PRUNE2: variants seen among roughly 807,000 people sequenced by gnomAD.
The protein encoded by PRUNE2 is prune homolog 2 with BCH domain.
Under a neutral mutation model 252.0 loss-of-function variants are expected in PRUNE2, and 164 were observed. That is an observed-to-expected ratio of 0.65 (90% CI 0.57 to 0.74). The LOEUF is 0.74. Ranked by LOEUF, PRUNE2 falls within the 30% of genes least tolerant of loss-of-function variation. PRUNE2 has a pLI of 0.00. For missense variants in PRUNE2, 3,495 were observed against 3,711.0 expected, an observed-to-expected ratio of 0.94 and a Z score of 1.51; for synonymous variants, 1,292 against 1,350.2, an observed-to-expected ratio of 0.96 and a Z score of 0.94.
chr9:76,849,215 T>C (rs923229118), intron 3 of PRUNE2, among the ~76,000 whole-genome samples: 20 of 152,188 alleles, frequency 1.3e-4, no homozygotes, highest in African/African-American at 4.6e-4. Flanking sequence ...CAAGCCTGCA[T>C]GTGGTTCTTT....
chr9:76,810,559 T>C (rs950734631), intron 6 of PRUNE2, among the ~76,000 whole-genome samples: 7 of 152,318 alleles, frequency 4.6e-5, no homozygotes, highest in African/African-American at 1.7e-4. Context: ...ACCACTGACC[T>C]GTAATAATCC....
intron 6 of PRUNE2, among the ~76,000 whole-genome samples, chr9:76,731,592 T>G (rs2048614427): frequency 6.6e-6 from 1 of 152,150 alleles, no homozygotes; most frequent in Non-Finnish European, 1.5e-5. Context: ...CCTACCAAAG[T>G]GCTGGGATTG....
At chr9:76,820,694 G>A (rs145765651) in intron 6 of PRUNE2, among the ~76,000 whole-genome samples, 239 of 152,244 alleles carry the variant, frequency 1.6e-3, no homozygotes, top group Non-Finnish European at 3.0e-3. Flanking sequence ...CTCCCACTCC[G>A]TTTTTGGAGA....
At position 76,629,291 on chromosome 9, in the gene PRUNE2, C is replaced by T; in HGVS notation, c.9051-1G>A. 1 of 1,347,324 alleles carries T rather than the reference C, an allele frequency of 7.4e-7. No individual in the cohort carries two copies. The highest frequency in any genetic ancestry group is 1.0e-6 in the Non-Finnish European group (1 of 992,012). 83.5% of individuals were successfully genotyped at this position (1,347,324 alleles called of 1,614,324 possible). A position where few individuals can be genotyped will look rare whatever the true frequency, so the allele number is the denominator to read the frequency against. Reference sequence around the variant, plus strand: ...TTTAATTTTACTGCTGAATTTTGAACTAAAAAAAAAAAAAAGAAAAAAATA... The same window carrying T: ...TTTAATTTTACTGCTGAATTTTGAATTAAAAAAAAAAAAAAGAAAAAAATA... On this transcript the variant is annotated splice_acceptor_variant, in intron 15 of 18. Coordinates refer to ENST00000376718, the MANE Select transcript of PRUNE2 (RefSeq NM_015225.3). LOFTEE classifies it high-confidence loss of function.
intron 4 of PRUNE2, 63 bp from the exon 5 acceptor site, chr9:76,826,795 A>T: frequency 7.5e-7 from 1 of 1,340,772 alleles, no homozygotes; most frequent in Non-Finnish European, 1.0e-6. Flanking sequence ...GGGGCCAAGA[A>T]AATCAGTGTT....
At chr9:76,871,604 T>C (rs964177204) in intron 1 of PRUNE2, among the ~76,000 whole-genome samples, 6 of 152,192 alleles carry the variant, frequency 3.9e-5, no homozygotes, top group African/African-American at 1.4e-4. Context: ...TGGTCAATCT[T>C]GATTATCTTG....
At chr9:76,735,447 T>C (rs73650992) in intron 6 of PRUNE2, among the ~76,000 whole-genome samples, 7,667 of 148,972 alleles carry the variant, frequency 0.051, 635 homozygotes, top group African/African-American at 0.18. Context: ...TTATGCCAGT[T>C]ATGACTAGCA....
At chr9:76,903,052 T>C (rs1015652289) in intron 1 of PRUNE2, among the ~76,000 whole-genome samples, 1 of 152,226 alleles carries the variant, frequency 6.6e-6, no homozygotes, top group Non-Finnish European at 1.5e-5. Context: ...AAATATCCTT[T>C]TCTTTCAAAG....
At chr9:76,825,198 G>A (rs1169959400) in intron 5 of PRUNE2, among the ~76,000 whole-genome samples, 2 of 152,188 alleles carry the variant, frequency 1.3e-5, no homozygotes, top group Admixed American at 6.5e-5. Flanking sequence ...ATGTTTAACG[G>A]CCAGTAACAA....
intron 6 of PRUNE2, among the ~76,000 whole-genome samples, chr9:76,809,341 G>A (rs1409741279): frequency 1.3e-5 from 2 of 152,174 alleles, no homozygotes; most frequent in African/African-American, 4.8e-5. Context: ...AAGGGATTGG[G>A]AGGGGGAGCT....
At chr9:76,761,419 A>G (rs1329393683) in intron 6 of PRUNE2, among the ~76,000 whole-genome samples, 2 of 152,206 alleles carry the variant, frequency 1.3e-5, no homozygotes, top group Non-Finnish European at 2.9e-5. Flanking sequence ...GTGTCGACAA[A>G]AATTAATCAT....
intron 6 of PRUNE2, chr9:76,786,579 C>A (rs1457846733): frequency 1.3e-5 from 2 of 152,234 alleles, no homozygotes; most frequent in Non-Finnish European, 2.9e-5. Flanking sequence ...TTTTCTCCAA[C>A]ACATCGCTTA....
At position 76,854,178 on chromosome 9, in the gene PRUNE2, C is replaced by T; in HGVS notation, c.67G>A (p.Val23Met). The stretch of plus-strand genomic sequence containing the variant: ...TCACACGATTTAGGCCCAATAACCA[C>T]ATGGACCTTCTCCAAGCGTTTGCTT... ...NRSKRLEKVHVVIGPKSCDLD... is the reference protein window; with the variant it reads ...NRSKRLEKVHMVIGPKSCDLD... The change falls in exon 2 of 19, where the codon GTG becomes ATG. Residue 23 changes from valine to methionine, a missense_variant. Coordinates refer to ENST00000376718, the MANE Select transcript of PRUNE2 (RefSeq NM_015225.3). The T allele has an allele frequency of 6.2e-7, 1 of 1,601,340 alleles. No homozygotes were observed. The highest frequency in any genetic ancestry group is 1.1e-5 in the South Asian group (1 of 88,828).
chr9:76,821,548 G>GT (rs915257025), intron 6 of PRUNE2, among the ~76,000 whole-genome samples: 88 of 149,272 alleles, frequency 5.9e-4, no homozygotes, highest in African/African-American at 1.1e-3. Context: ...TACTAAGGAG[G>GT]TTTTTTTTTT....
intron 6 of PRUNE2, among the ~76,000 whole-genome samples, chr9:76,793,221 A>G (rs887300465): frequency 6.6e-6 from 1 of 152,240 alleles, no homozygotes; most frequent in Non-Finnish European, 1.5e-5. Context: ...ACACTGAGAG[A>G]TATGTATACA....
chr9:76,655,457 G>C lies in PRUNE2; in HGVS notation c.8322C>G (p.Gly2774=), dbSNP rs777562104. The C allele has an allele frequency of 6.2e-7, 1 of 1,612,486 alleles. No individual in the cohort carries two copies. The highest frequency in any genetic ancestry group is 1.1e-5 in the South Asian group (1 of 90,674). ...TGTCTGCAGCACTGGGACTCAGCAC[G>C]CCCTCTTCAAAGGGGATGTCCATTC... ...DVGMDIPFEE[G]VLSPSAADMR... Residue 2774 remains glycine (G), a synonymous_variant, in exon 10 of 19, where the codon GGC becomes GGG. Coordinates refer to ENST00000376718, the MANE Select transcript of PRUNE2 (RefSeq NM_015225.3).
intron 6 of PRUNE2, among the ~76,000 whole-genome samples, chr9:76,763,910 C>T (rs1383876434): frequency 6.6e-6 from 1 of 152,170 alleles, no homozygotes; most frequent in East Asian, 1.9e-4. Context: ...GGACTAAGCA[C>T]TTCGATTGAG....
At chr9:76,798,724 C>A (rs558124542) in intron 6 of PRUNE2, among the ~76,000 whole-genome samples, 10 of 152,162 alleles carry the variant, frequency 6.6e-5, no homozygotes, top group Admixed American at 1.3e-4. Flanking sequence ...AACCACAAGC[C>A]TCCCCCATCT....
chr9:76,888,070 A>G (rs10781390), intron 1 of PRUNE2, among the ~76,000 whole-genome samples: 93,961 of 152,026 alleles, frequency 0.62, 29,993 homozygotes, highest in African/African-American at 0.79. Context: ...CATGAACCAA[A>G]AACACATCAG....
Sources: allele counts gnomAD v4.1 joint callset (sites outside exome capture counted in the v4.1 genomes callset), GRCh38; gene constraint gnomAD v4.1.1; transcripts MANE v1.5; gene names NCBI Gene and HGNC (gene_info 2026-07-23, HGNC 2026-07-21).